NAALADL2: variants seen among roughly 807,000 people sequenced by gnomAD.
NAALADL2 encodes the protein inactive N-acetylated-alpha-linked acidic dipeptidase-like protein 2.
In NAALADL2, 76 loss-of-function variants were observed where a neutral mutation model predicts 87.2. The ratio of observed to expected loss-of-function variants is 0.87; its 90% CI spans 0.72 to 1.05. The LOEUF (loss-of-function observed/expected upper bound fraction) is 1.05, where lower values mean the gene tolerates loss of function less well. Among genes scored for constraint, NAALADL2 ranks in the 50% least tolerant of loss-of-function variants. The pLI is 0.00. For synonymous variants in NAALADL2, 354 were observed against 331.0 expected, an observed-to-expected ratio of 1.07 and a Z score of -0.75; for missense variants, 1,089 against 945.8, an observed-to-expected ratio of 1.15 and a Z score of -1.99.
chr3:175,660,107 A>G (rs978568692), intron 11 of NAALADL2, among the ~76,000 whole-genome samples: 2 of 152,114 alleles, frequency 1.3e-5, no homozygotes, highest in Non-Finnish European at 2.9e-5. Flanking sequence ...AGAGCCAACA[A>G]GCCTCTAGGC....
At chr3:175,739,230 T>TG (rs926706864) in intron 12 of NAALADL2, among the ~76,000 whole-genome samples, 17 of 152,222 alleles carry the variant, frequency 1.1e-4, no homozygotes, top group African/African-American at 3.4e-4. Flanking sequence ...AAAATCAATT[T>TG]TTTAAACAAT....
intron 2 of NAALADL2, among the ~76,000 whole-genome samples, chr3:174,721,932 T>G (rs1468428827): frequency 1.3e-5 from 2 of 152,134 alleles, no homozygotes; most frequent in African/African-American, 2.4e-5. Flanking sequence ...CCTAATACAT[T>G]CAGTCAGTTG....
intron 1 of NAALADL2, among the ~76,000 whole-genome samples, chr3:174,910,877 G>A (rs755618305): frequency 2.0e-5 from 3 of 152,136 alleles, no homozygotes; most frequent in Non-Finnish European, 2.9e-5. Context: ...TGCCTAGAAC[G>A]GGAGAGGTGA....
chr3:175,487,541 A>G (rs1445416370), intron 9 of NAALADL2: 1 of 456,548 alleles, frequency 2.2e-6, no homozygotes, highest in South Asian at 1.5e-5. Flanking sequence ...CCTTAGTTCC[A>G]GGTTTGATGA....
chr3:175,181,690 T>TGTG (rs1736504236), intron 2 of NAALADL2, among the ~76,000 whole-genome samples: 3 of 41,644 alleles, frequency 7.2e-5, no homozygotes, highest in Admixed American at 3.3e-4. Context: ...TATATATATA[T>TGTG]ATATATATAT....
At chr3:175,328,566 G>T (rs1044305321) in intron 5 of NAALADL2, among the ~76,000 whole-genome samples, 2 of 152,074 alleles carry the variant, frequency 1.3e-5, no homozygotes, top group Admixed American at 6.6e-5. Flanking sequence ...ACTAAACTGT[G>T]ATCCGAATAA....
At chr3:175,056,059 TGA>T (rs1712084765) in intron 1 of NAALADL2, among the ~76,000 whole-genome samples, 1 of 152,144 alleles carries the variant, frequency 6.6e-6, no homozygotes, top group African/African-American at 2.4e-5. Context: ...TGAATAGAAC[TGA>T]GAGTGGTCGC....
chr3:174,681,492 ATAG>A (rs1727534354), intron 2 of NAALADL2, among the ~76,000 whole-genome samples: 2 of 152,124 alleles, frequency 1.3e-5, no homozygotes, highest in African/African-American at 4.8e-5. Context: ...TGCAACTTGG[ATAG>A]TAGCTCAATC....
At chr3:174,839,283 C>G (rs1418975078) in intron 3 of NAALADL2, among the ~76,000 whole-genome samples, 1 of 152,136 alleles carries the variant, frequency 6.6e-6, no homozygotes, top group Non-Finnish European at 1.5e-5. Flanking sequence ...GGATAATTGG[C>G]TAGCCACACG....
chr3:174,444,936 A>G (rs1714930839), intron 1 of NAALADL2, among the ~76,000 whole-genome samples: 1 of 152,134 alleles, frequency 6.6e-6, no homozygotes, highest in South Asian at 2.1e-4. Flanking sequence ...AATTTTGACA[A>G]CATTACTCAT....
intron 2 of NAALADL2, among the ~76,000 whole-genome samples, chr3:174,570,291 G>C (rs1429845336): frequency 1.3e-5 from 2 of 151,358 alleles, no homozygotes; most frequent in African/African-American, 4.9e-5. Context: ...CTTAGCATTA[G>C]ATTTTTATAA....
intron 2 of NAALADL2, among the ~76,000 whole-genome samples, chr3:174,665,765 T>C (rs566070915): frequency 6.6e-6 from 1 of 152,318 alleles, no homozygotes; most frequent in Admixed American, 6.5e-5. Context: ...AGGCTACATA[T>C]CTAAAAGTTG....
At chr3:174,512,348 CT>C in intron 1 of NAALADL2, among the ~76,000 whole-genome samples, 1 of 152,108 alleles carries the variant, frequency 6.6e-6, no homozygotes. Flanking sequence ...GATGATATGT[CT>C]TTTTTTCTCC....
chr3:175,009,923 CAAAT>C (rs1439383452), intron 1 of NAALADL2, among the ~76,000 whole-genome samples: 1 of 151,714 alleles, frequency 6.6e-6, no homozygotes, highest in Non-Finnish European at 1.5e-5. Context: ...AGAAATGAAA[CAAAT>C]AAATGTTAAC....
intron 1 of NAALADL2, among the ~76,000 whole-genome samples, chr3:175,019,242 T>C (rs1751250830): frequency 6.6e-6 from 1 of 152,070 alleles, no homozygotes; most frequent in Non-Finnish European, 1.5e-5. Context: ...TTGTTTCATC[T>C]ACAGCTCAGC....
At chr3:174,547,225 C>A (rs1711512395) in intron 1 of NAALADL2, among the ~76,000 whole-genome samples, 1 of 152,132 alleles carries the variant, frequency 6.6e-6, no homozygotes, top group South Asian at 2.1e-4. Context: ...TGAGTACCAA[C>A]TATGTGGCAT....
chr3:174,776,599 T>G (rs1015014136), intron 3 of NAALADL2, among the ~76,000 whole-genome samples: 2 of 152,162 alleles, frequency 1.3e-5, no homozygotes, highest in African/African-American at 2.4e-5. Flanking sequence ...CTTAGAAAAC[T>G]ACATATTCAT....
chr3:174,580,180 T>A (rs1422925637), intron 2 of NAALADL2, among the ~76,000 whole-genome samples: 3 of 151,952 alleles, frequency 2.0e-5, no homozygotes, highest in Non-Finnish European at 4.4e-5. Context: ...CAGAAAAGGG[T>A]CATTTGACAT....
chr3:175,219,366 T>C (rs1020041642), intron 2 of NAALADL2, among the ~76,000 whole-genome samples: 8 of 152,176 alleles, frequency 5.3e-5, no homozygotes, highest in Admixed American at 4.6e-4. Context: ...CTTAAATCTT[T>C]TTGCCATTTT....
Sources: gnomAD v4.1 joint callset for allele counts (sites outside exome capture counted in the v4.1 genomes callset) on GRCh38, gnomAD v4.1.1 for gene constraint, MANE v1.5 for transcripts, NCBI Gene and HGNC (gene_info 2026-07-23, HGNC 2026-07-21) for gene names.